KCNH7: variants seen among roughly 807,000 people sequenced by gnomAD.
KCNH7 encodes voltage-gated inwardly rectifying potassium channel KCNH7.
Under a neutral mutation model 120.8 loss-of-function variants are expected in KCNH7, and 49 were observed. That is an observed-to-expected ratio of 0.41 (90% CI 0.32 to 0.51). The LOEUF (loss-of-function observed/expected upper bound fraction) is 0.51, where lower values mean the gene tolerates loss of function less well. Ranked by LOEUF, KCNH7 falls within the 20% of genes least tolerant of loss-of-function variation. KCNH7 has a pLI of 0.38. For missense variants in KCNH7, 1,097 were observed against 1,446.6 expected, an observed-to-expected ratio of 0.76 and a Z score of 3.92; for synonymous variants, 547 against 516.1, an observed-to-expected ratio of 1.06 and a Z score of -0.81.
intron 6 of KCNH7, chr2:162,502,054 G>A (rs1690705214): frequency 6.6e-6 from 1 of 152,032 alleles, no homozygotes; most frequent in Non-Finnish European, 1.5e-5. Flanking sequence ...GTGTTATTTT[G>A]AAGGTAAATT....
intron 2 of KCNH7, among the ~76,000 whole-genome samples, chr2:162,719,504 A>G (rs1388552981): frequency 1.3e-5 from 2 of 152,030 alleles, no homozygotes; most frequent in Non-Finnish European, 2.9e-5. Flanking sequence ...TTTCTTTCCA[A>G]ATCTCCACAG....
chr2:162,546,421 T>C (rs907800307), intron 2 of KCNH7, among the ~76,000 whole-genome samples: 2 of 152,184 alleles, frequency 1.3e-5, no homozygotes, highest in African/African-American at 4.8e-5. Context: ...GCCCACCCAC[T>C]AAACTGCCAT....
At chr2:162,577,348 C>CTTAT (rs1257647069) in intron 2 of KCNH7, among the ~76,000 whole-genome samples, 1 of 131,356 alleles carries the variant, frequency 7.6e-6, no homozygotes, top group African/African-American at 2.9e-5. Context: ...ATCTATCCAT[C>CTTAT]CTATCTATCT....
rs943685398 is a variant in KCNH7, at chr2:162,396,951, AAAAT to A, written c.2408-10_2408-7del. On this transcript the variant is annotated splice_region_variant and splice_polypyrimidine_tract_variant and intron_variant, in intron 10 of 15. Coordinates refer to ENST00000332142, the MANE Select transcript of KCNH7 (RefSeq NM_033272.4). ...TCCAAATATATCATTTTTTCCTAAG[AAAAT>A]ATAAAGAAAAAGAGGCGGGGAAAGG... The A allele has an allele frequency of 2.5e-6, 4 of 1,586,288 alleles. No individual in the cohort carries two copies. Among genetic ancestry groups the A allele is most frequent in the Non-Finnish European group, 3.5e-6 (4 of 1,158,194 alleles).
chr2:162,621,252 CTTTTTTT>C (rs35494887), intron 2 of KCNH7, among the ~76,000 whole-genome samples: 13 of 52,120 alleles, frequency 2.5e-4, no homozygotes, highest in African/African-American at 8.9e-4. Flanking sequence ...GTATCATCAT[CTTTTTTT>C]TTTTTTTTTT....
intron 2 of KCNH7, among the ~76,000 whole-genome samples, chr2:162,627,650 A>G (rs941588568): frequency 1.3e-5 from 2 of 152,130 alleles, no homozygotes; most frequent in African/African-American, 4.8e-5. Flanking sequence ...ACTTTAATAC[A>G]TTTGACTTGG....
At chr2:162,796,151 A>G (rs1684138327) in intron 2 of KCNH7, 1 of 152,112 alleles carries the variant, frequency 6.6e-6, no homozygotes, top group Admixed American at 6.6e-5. Flanking sequence ...AACTGGAATC[A>G]GAGGCCTGTG....
At chr2:162,739,855 A>G (rs1688058044) in intron 2 of KCNH7, among the ~76,000 whole-genome samples, 1 of 152,176 alleles carries the variant, frequency 6.6e-6, no homozygotes, top group South Asian at 2.1e-4. Flanking sequence ...TCAATGAGAT[A>G]TGGATATTAG....
At chr2:162,726,273 C>T (rs775626613) in intron 2 of KCNH7, among the ~76,000 whole-genome samples, 6 of 151,934 alleles carry the variant, frequency 3.9e-5, no homozygotes, top group Non-Finnish European at 4.4e-5. Context: ...TCCTCAGATA[C>T]CAAATAAGGT....
intron 2 of KCNH7, among the ~76,000 whole-genome samples, chr2:162,598,029 A>G (rs1474303616): frequency 6.6e-6 from 1 of 151,964 alleles, no homozygotes; most frequent in Non-Finnish European, 1.5e-5. Context: ...ATCTCTTGTC[A>G]TTTTGCTTCC....
chr2:162,388,982 T>G (rs1686661854), intron 12 of KCNH7, among the ~76,000 whole-genome samples: 1 of 151,976 alleles, frequency 6.6e-6, no homozygotes, highest in Non-Finnish European at 1.5e-5. Context: ...TCCCTACTCT[T>G]AGGATGTGTG....
chr2:162,585,995 A>T (rs1250220708), intron 2 of KCNH7, among the ~76,000 whole-genome samples: 1 of 152,086 alleles, frequency 6.6e-6, no homozygotes, highest in Non-Finnish European at 1.5e-5. Context: ...TTTTCCTTTT[A>T]AAAAAATTAA....
At chr2:162,623,957 T>C (rs1243106542) in intron 2 of KCNH7, among the ~76,000 whole-genome samples, 2 of 152,174 alleles carry the variant, frequency 1.3e-5, no homozygotes, top group Non-Finnish European at 2.9e-5. Context: ...AAATAATCAA[T>C]TAAAACGTTT....
intron 2 of KCNH7, among the ~76,000 whole-genome samples, chr2:162,733,946 A>C (rs1216079527): frequency 6.6e-6 from 1 of 152,194 alleles, no homozygotes; most frequent in African/African-American, 2.4e-5. Context: ...ACTTTACCTC[A>C]TTTAAACCAC....
chr2:162,670,399 G>A lies in KCNH7; in HGVS notation c.308-133319C>T, dbSNP rs1447676627. Among the ~76,000 whole-genome samples the A allele has an allele frequency of 5.4e-5, 8 of 149,308 alleles. No homozygotes were observed. The East Asian group carries it at 1.0e-3, about 19-fold the overall frequency. On this transcript the variant is annotated intron_variant, in intron 2 of 15. Transcript: ENST00000332142. Reference sequence around the variant, plus strand: ...TGAGGCAAGAGAGTCGCTTAAACCCGGGAGGTGGAGTTGCAGTGGGCTGAG... The same window carrying A: ...TGAGGCAAGAGAGTCGCTTAAACCCAGGAGGTGGAGTTGCAGTGGGCTGAG...
chr2:162,619,136 A>C (rs915811765), intron 2 of KCNH7, among the ~76,000 whole-genome samples: 2 of 152,058 alleles, frequency 1.3e-5, no homozygotes, highest in African/African-American at 4.8e-5. Flanking sequence ...ATTGTGTGTC[A>C]GAGCTGTGCT....
chr2:162,573,565 T>A (rs1037750064), intron 2 of KCNH7, among the ~76,000 whole-genome samples: 1 of 152,020 alleles, frequency 6.6e-6, no homozygotes, highest in Non-Finnish European at 1.5e-5. Flanking sequence ...TCATAAGATA[T>A]GTATTATTTT....
intron 2 of KCNH7, among the ~76,000 whole-genome samples, chr2:162,549,228 G>C (rs909358356): frequency 3.3e-5 from 5 of 152,176 alleles, no homozygotes; most frequent in Admixed American, 6.5e-5. Flanking sequence ...TCAGATAAGA[G>C]ACTAAATCTC....
At chr2:162,431,633 T>C (rs1454546314) in intron 8 of KCNH7, among the ~76,000 whole-genome samples, 1 of 152,008 alleles carries the variant, frequency 6.6e-6, no homozygotes, top group Non-Finnish European at 1.5e-5. Context: ...GATTAAGGTG[T>C]ATAGAACCAA....
Sources: allele counts gnomAD v4.1 joint callset (sites outside exome capture counted in the v4.1 genomes callset), GRCh38; gene constraint gnomAD v4.1.1; transcripts MANE v1.5; gene names NCBI Gene and HGNC (gene_info 2026-07-23, HGNC 2026-07-21).